The following MYO5B variants were observed in gnomAD, a reference collection of about 807,000 sequenced individuals.
The protein encoded by MYO5B is unconventional myosin-Vb.
A neutral mutation model predicts 229.3 loss-of-function variants in MYO5B; 143 were observed. The ratio of observed to expected loss-of-function variants is 0.62; its 90% CI spans 0.54 to 0.72. MYO5B has a LOEUF of 0.72. MYO5B is among the 30% of genes least tolerant of loss of function. MYO5B has a pLI of 0.00. For synonymous variants in MYO5B, 918 were observed against 885.2 expected (o/e 1.04, Z -0.66); for missense variants, 2,321 against 2,331.0 (o/e 1.00, Z 0.09).
intron 16 of MYO5B, among the ~76,000 whole-genome samples, chr18:49,935,990 C>T (rs1165129450): frequency 1.3e-5 from 2 of 152,256 alleles, no homozygotes; most frequent in Non-Finnish European, 2.9e-5. Context: ...TTAACGTTCT[C>T]TATTTTATTC....
intron 1 of MYO5B, among the ~76,000 whole-genome samples, chr18:50,194,088 G>A (rs1341792299): frequency 6.6e-6 from 1 of 152,196 alleles, no homozygotes; most frequent in Non-Finnish European, 1.5e-5. Flanking sequence ...AAGAGGCCGC[G>A]TCAAAACATC....
chr18:49,947,365 G>C (rs3017174), intron 14 of MYO5B, among the ~76,000 whole-genome samples: 1 of 151,614 alleles, frequency 6.6e-6, no homozygotes, highest in East Asian at 1.9e-4. Flanking sequence ...TTGGCCTCCC[G>C]AAGTGCTGGG....
intron 1 of MYO5B, among the ~76,000 whole-genome samples, chr18:50,113,747 C>T (rs921107841): frequency 1.3e-5 from 2 of 152,238 alleles, no homozygotes; most frequent in Non-Finnish European, 1.5e-5. Context: ...GGAGCCCCCT[C>T]TTACCCACTC....
intron 1 of MYO5B, among the ~76,000 whole-genome samples, chr18:50,192,834 G>A (rs192160987): frequency 9.7e-4 from 148 of 152,176 alleles, no homozygotes; most frequent in African/African-American, 3.3e-3. Context: ...CTAAGTGGCT[G>A]GTATAACTTA....
At chr18:49,881,404 T>C (rs962602318) in intron 22 of MYO5B, among the ~76,000 whole-genome samples, 5 of 152,064 alleles carry the variant, frequency 3.3e-5, no homozygotes, top group Non-Finnish European at 7.3e-5. Flanking sequence ...TCTGATGATG[T>C]TGACAAAACC....
At chr18:50,022,901 C>G (rs1050672553) in intron 4 of MYO5B, among the ~76,000 whole-genome samples, 2 of 152,044 alleles carry the variant, frequency 1.3e-5, no homozygotes, top group African/African-American at 2.4e-5. Flanking sequence ...AGGAAGAAGC[C>G]CAGCCTAAAG....
intron 4 of MYO5B, among the ~76,000 whole-genome samples, chr18:50,033,268 G>A (rs2026410268): frequency 6.6e-6 from 1 of 152,080 alleles, no homozygotes; most frequent in African/African-American, 2.4e-5. Flanking sequence ...CTGAGGTCAT[G>A]GTCCACTACT....
At chr18:50,177,109 A>G (rs2033007644) in intron 1 of MYO5B, among the ~76,000 whole-genome samples, 2 of 152,202 alleles carry the variant, frequency 1.3e-5, no homozygotes, top group Admixed American at 1.3e-4. Flanking sequence ...ACACAATTAT[A>G]TAAATCAGGA....
At position 50,194,987 on chromosome 18, in the gene MYO5B, C is replaced by T. The variant is rs2033283294; in HGVS notation, c.-194G>A. On this transcript the variant is annotated 5_prime_UTR_variant, in exon 1 of 40. Transcript: ENST00000285039. The stretch of plus-strand genomic sequence containing the variant: ...CTCCCGGCGGCGCGACCTTTACTCC[C>T]GCCGCGGCGGCGCAGCTACGGCCGG... 2.7e-6 allele frequency: 2 copies of T among 751,672 alleles called. No individual in the cohort carries two copies. Among genetic ancestry groups the T allele is most frequent in the Non-Finnish European group, 3.6e-6 (2 of 559,596 alleles). The allele number at this position is 751,672 out of a possible 1,614,324, so 46.6% of individuals were successfully genotyped here. A position where few individuals can be genotyped will look rare whatever the true frequency, so the allele number is the denominator to read the frequency against.
At chr18:49,962,868 G>A (rs1330981016) in intron 11 of MYO5B, 81 bp downstream of exon 11, 4 of 1,219,090 alleles carry the variant, frequency 3.3e-6, no homozygotes, top group Non-Finnish European at 4.9e-6. Flanking sequence ...ACCCACCTCA[G>A]AGGAAGAGAA....
At chr18:50,107,483 A>G (rs2031783548) in intron 1 of MYO5B, among the ~76,000 whole-genome samples, 1 of 152,134 alleles carries the variant, frequency 6.6e-6, no homozygotes, top group Non-Finnish European at 1.5e-5. Context: ...AGCTTCAATT[A>G]AGATTGTGTT....
At chr18:49,936,215 G>T (rs775056634) in intron 16 of MYO5B, 37 bp downstream of exon 16, 1 of 1,525,268 alleles carries the variant, frequency 6.6e-7, no homozygotes. Context: ...AACCTCTAAG[G>T]CTGGGCTGGA....
chr18:50,067,733 G>A (rs1365683660), intron 1 of MYO5B, among the ~76,000 whole-genome samples: 1 of 152,140 alleles, frequency 6.6e-6, no homozygotes, highest in Non-Finnish European at 1.5e-5. Context: ...CCTGCCATGA[G>A]TGGAAGCAGC....
At chr18:49,861,180 T>C (rs1472322658) in intron 29 of MYO5B, among the ~76,000 whole-genome samples, 1 of 152,262 alleles carries the variant, frequency 6.6e-6, no homozygotes, top group Non-Finnish European at 1.5e-5. Context: ...TTTCCTATTG[T>C]ACACCAGGCT....
intron 14 of MYO5B, among the ~76,000 whole-genome samples, chr18:49,945,489 C>T (rs377414623): frequency 2.0e-5 from 3 of 151,786 alleles, no homozygotes; most frequent in African/African-American, 7.3e-5. Context: ...GGAGCTGCTG[C>T]TCCAGCTCAG....
chr18:49,907,888 A>C (rs2024917225), intron 18 of MYO5B, among the ~76,000 whole-genome samples: 1 of 152,208 alleles, frequency 6.6e-6, no homozygotes, highest in Admixed American at 6.5e-5. Flanking sequence ...CCATGCACCC[A>C]CTGGGCCTTC....
At chr18:50,081,703 T>G (rs1173447668) in intron 1 of MYO5B, among the ~76,000 whole-genome samples, 1 of 149,874 alleles carries the variant, frequency 6.7e-6, no homozygotes, top group Admixed American at 6.6e-5. Flanking sequence ...ATTTTTTCAG[T>G]CCAAGTAACA....
At chr18:50,084,147 G>T (rs1366946247) in intron 1 of MYO5B, among the ~76,000 whole-genome samples, 3 of 152,086 alleles carry the variant, frequency 2.0e-5, no homozygotes, top group Non-Finnish European at 4.4e-5. Context: ...GCCAATTAGG[G>T]TTTCAATTTT....
intron 4 of MYO5B, among the ~76,000 whole-genome samples, chr18:50,033,763 C>A (rs1047647072): frequency 6.6e-5 from 10 of 152,112 alleles, no homozygotes; most frequent in African/African-American, 2.4e-4. Flanking sequence ...GATTTTAACA[C>A]CCCCTTTTTC....
Sources: gnomAD v4.1 joint callset for allele counts (sites outside exome capture counted in the v4.1 genomes callset) on GRCh38, gnomAD v4.1.1 for gene constraint, MANE v1.5 for transcripts, NCBI Gene and HGNC (gene_info 2026-07-23, HGNC 2026-07-21) for gene names.